The following PRKCE variants were observed in gnomAD, a reference collection of about 807,000 sequenced individuals.
PRKCE encodes protein kinase C epsilon type.
In PRKCE, 16 loss-of-function variants were observed where a neutral mutation model predicts 85.4. The ratio of observed to expected loss-of-function variants is 0.19; its 90% CI spans 0.13 to 0.28. The LOEUF (loss-of-function observed/expected upper bound fraction) is 0.28. Ranked by LOEUF, PRKCE falls within the 10% of genes least tolerant of loss-of-function variation. The pLI is 1.00. For synonymous variants in PRKCE, 388 were observed against 371.5 expected (o/e 1.04, Z -0.51); for missense variants, 573 against 975.2 (o/e 0.59, Z 5.49).
chr2:46,049,328 C>G (rs990674959), intron 10 of PRKCE, among the ~76,000 whole-genome samples: 1 of 152,178 alleles, frequency 6.6e-6, no homozygotes, highest in Non-Finnish European at 1.5e-5. Context: ...TAGTGCTGCC[C>G]TGGTTTCTTC....
At chr2:45,923,054 A>T (rs1378096076) in intron 2 of PRKCE, among the ~76,000 whole-genome samples, 3 of 152,234 alleles carry the variant, frequency 2.0e-5, no homozygotes, top group Non-Finnish European at 4.4e-5. Context: ...AAAGAAACAG[A>T]TACTGAACCC....
At chr2:45,863,729 G>A (rs1029028606) in intron 2 of PRKCE, among the ~76,000 whole-genome samples, 2 of 151,974 alleles carry the variant, frequency 1.3e-5, no homozygotes, top group African/African-American at 2.4e-5. Flanking sequence ...CTCGGAATAC[G>A]GCTTGCAAGC....
intron 1 of PRKCE, among the ~76,000 whole-genome samples, chr2:45,806,181 G>T (rs1477605355): frequency 2.0e-5 from 3 of 152,188 alleles, no homozygotes; most frequent in Non-Finnish European, 4.4e-5. Flanking sequence ...CCTTGAGAAT[G>T]AAGATTATAG....
At chr2:46,089,602 C>T (rs1669966880) in intron 11 of PRKCE, among the ~76,000 whole-genome samples, 1 of 152,198 alleles carries the variant, frequency 6.6e-6, no homozygotes, top group Non-Finnish European at 1.5e-5. Flanking sequence ...CGCCCTGGCC[C>T]CGGGGCTGCT....
intron 2 of PRKCE, among the ~76,000 whole-genome samples, chr2:45,935,408 T>C (rs536622301): frequency 6.6e-6 from 1 of 152,316 alleles, no homozygotes; most frequent in Non-Finnish European, 1.5e-5. Context: ...CTGTTTTAGC[T>C]AAAAAATATT....
At chr2:45,952,022 G>A (rs755077508) in intron 2 of PRKCE, among the ~76,000 whole-genome samples, 11 of 152,102 alleles carry the variant, frequency 7.2e-5, no homozygotes, top group South Asian at 4.1e-4. Flanking sequence ...TAATAGAGAC[G>A]GAGTTTCATC....
At chr2:46,017,828 A>G (rs1706295233) in intron 10 of PRKCE, among the ~76,000 whole-genome samples, 1 of 152,220 alleles carries the variant, frequency 6.6e-6, no homozygotes, top group Non-Finnish European at 1.5e-5. Flanking sequence ...ACAGATAAGA[A>G]AACCAAGGCC....
chr2:45,755,840 G>C (rs1250079494), intron 1 of PRKCE, among the ~76,000 whole-genome samples: 3 of 152,196 alleles, frequency 2.0e-5, no homozygotes, highest in Non-Finnish European at 2.9e-5. Flanking sequence ...GTTCAGAGGA[G>C]GGAAAGCTCC....
chr2:46,084,492 G>A (rs1223153700), intron 10 of PRKCE, among the ~76,000 whole-genome samples: 2 of 152,066 alleles, frequency 1.3e-5, no homozygotes, highest in Non-Finnish European at 2.9e-5. Context: ...GGGAGGCCAA[G>A]GCGGGTGGAT....
intron 11 of PRKCE, among the ~76,000 whole-genome samples, chr2:46,088,708 G>T (rs1309291640): frequency 3.3e-5 from 5 of 152,156 alleles, no homozygotes; most frequent in Non-Finnish European, 5.9e-5. Context: ...TACAATGCAC[G>T]TACTTCAAGG....
At chr2:45,805,107 ACTGT>A (rs1287777706) in intron 1 of PRKCE, among the ~76,000 whole-genome samples, 4 of 152,164 alleles carry the variant, frequency 2.6e-5, no homozygotes, top group Non-Finnish European at 5.9e-5. Context: ...CTAAGTCATA[ACTGT>A]CTTCTTCTTT....
At chr2:45,922,580 C>A (rs1352833923) in intron 2 of PRKCE, among the ~76,000 whole-genome samples, 1 of 152,190 alleles carries the variant, frequency 6.6e-6, no homozygotes, top group East Asian at 1.9e-4. Flanking sequence ...TCATTAAACC[C>A]TTCCCCCCAG....
At chr2:45,926,323 C>T (rs1406736873) in intron 2 of PRKCE, among the ~76,000 whole-genome samples, 1 of 152,240 alleles carries the variant, frequency 6.6e-6, no homozygotes, top group East Asian at 1.9e-4. Context: ...AACTGCCATA[C>T]ATAACCACTG....
chr2:46,033,720 G>A (rs1429213300), intron 10 of PRKCE, among the ~76,000 whole-genome samples: 6 of 152,322 alleles, frequency 3.9e-5, no homozygotes, highest in East Asian at 1.9e-4. Flanking sequence ...AAAAGTGTAC[G>A]TATGAAATGA....
chr2:45,743,355 G>A lies in PRKCE; in HGVS notation c.348+90907G>A, dbSNP rs117470321. 9.3e-4 allele frequency among the ~76,000 whole-genome samples: 142 copies of A among 152,050 alleles called. 1 individual carries two copies. The highest frequency in any genetic ancestry group is 3.1e-3 in the African/African-American group (130 of 41,468). On this transcript the variant is annotated intron_variant, in intron 1 of 14. Coordinates refer to ENST00000306156, the MANE Select transcript of PRKCE (RefSeq NM_005400.3). ...CAATGTGCACTTATATCAAAACATCGCGGTGTACACCTTGAATGTAAACAC... is the reference window on the plus strand; with the variant it reads ...CAATGTGCACTTATATCAAAACATCACGGTGTACACCTTGAATGTAAACAC...
intron 1 of PRKCE, among the ~76,000 whole-genome samples, chr2:45,807,647 T>C (rs1688344753): frequency 6.6e-6 from 1 of 152,192 alleles, no homozygotes; most frequent in African/African-American, 2.4e-5. Flanking sequence ...CCAACATTCA[T>C]GGCTAACAGT....
intron 11 of PRKCE, among the ~76,000 whole-genome samples, chr2:46,089,208 A>G (rs560216704): frequency 1.3e-5 from 2 of 152,198 alleles, no homozygotes; most frequent in African/African-American, 4.8e-5. Context: ...TATTCTACAT[A>G]CTGGGCAATT....
chr2:46,164,488 C>G (rs1678124112), intron 14 of PRKCE, among the ~76,000 whole-genome samples: 1 of 152,222 alleles, frequency 6.6e-6, no homozygotes, highest in Non-Finnish European at 1.5e-5. Context: ...CACTTGCTTC[C>G]AAGCCATGCC....
intron 10 of PRKCE, among the ~76,000 whole-genome samples, chr2:46,033,677 G>C (rs6544869): frequency 0.43 from 64,605 of 152,002 alleles, 14,039 homozygotes; most frequent in Middle Eastern, 0.52. Context: ...GACTGGATTT[G>C]AAAAAGATCT....
Sources: gnomAD v4.1 joint callset for allele counts (sites outside exome capture counted in the v4.1 genomes callset) on GRCh38, gnomAD v4.1.1 for gene constraint, MANE v1.5 for transcripts, NCBI Gene and HGNC (gene_info 2026-07-23, HGNC 2026-07-21) for gene names.